The following LTBP1 variants were observed in gnomAD, a reference collection of about 807,000 sequenced individuals.
The protein encoded by LTBP1 is latent transforming growth factor beta binding protein 1.
Under a neutral mutation model 207.6 loss-of-function variants are expected in LTBP1, and 129 were observed. The observed-to-expected ratio is 0.62, with a 90% CI of 0.54 to 0.72. The LOEUF (loss-of-function observed/expected upper bound fraction) is 0.72. Ranked by LOEUF, LTBP1 falls within the 30% of genes least tolerant of loss-of-function variation. The probability of loss-of-function intolerance (pLI) is 0.00; values close to 1 mark genes in which losing one functional copy is unlikely to be tolerated. For missense variants in LTBP1, 2,281 were observed against 2,217.2 expected (o/e 1.03, Z -0.58); for synonymous variants, 963 against 833.7 (o/e 1.16, Z -2.67).
intron 24 of LTBP1, among the ~76,000 whole-genome samples, chr2:33,323,364 C>T (rs948775830): frequency 2.6e-5 from 4 of 152,116 alleles, no homozygotes; most frequent in Non-Finnish European, 5.9e-5. Context: ...CGACTAGGCG[C>T]GGTAGCTCAC....
chr2:33,361,242 G>A (rs995359171), intron 27 of LTBP1, among the ~76,000 whole-genome samples, 187 bp from the exon 28 acceptor site: 3 of 152,122 alleles, frequency 2.0e-5, no homozygotes, highest in Admixed American at 2.0e-4. Flanking sequence ...AAATTAAAAA[G>A]TGTAAGAAAA....
At chr2:33,394,638 G>A (rs1489788087) in intron 32 of LTBP1, among the ~76,000 whole-genome samples, 1 of 152,046 alleles carries the variant, frequency 6.6e-6, no homozygotes, top group Non-Finnish European at 1.5e-5. Context: ...TATTTCTGAG[G>A]GCTCTGTTCC....
chr2:33,318,954 G>A (rs2094313749), intron 24 of LTBP1, among the ~76,000 whole-genome samples: 1 of 151,852 alleles, frequency 6.6e-6, no homozygotes, highest in Admixed American at 6.6e-5. Flanking sequence ...TTTTTAATTA[G>A]CTGGACATGG....
At chr2:33,326,383 C>G (rs148308269) in intron 24 of LTBP1, among the ~76,000 whole-genome samples, 32 of 152,156 alleles carry the variant, frequency 2.1e-4, no homozygotes, top group African/African-American at 7.7e-4. Flanking sequence ...TTTGTGAGCT[C>G]CCTCAATGAG....
In LTBP1 at chr2:33,142,497, AC is replaced by A. The variant is rs542396514; in HGVS notation, c.1201+7540del. Among the ~76,000 whole-genome samples, 511 of 151,898 alleles carry A rather than the reference AC, an allele frequency of 3.4e-3. 2 individuals carry two copies. Among genetic ancestry groups the A allele is most frequent in the Non-Finnish European group, 5.5e-3 (375 of 67,938 alleles). On this transcript the variant is annotated intron_variant, in intron 5 of 33. Transcript: ENST00000404816. ...GTGGTGGTGGGCAGAGGGCAGGAGGACCCTGGGTAGACGAAGGGGTGCGTGG... is the reference window on the plus strand; with the variant it reads ...GTGGTGGTGGGCAGAGGGCAGGAGGACCTGGGTAGACGAAGGGGTGCGTGG...
At chr2:33,235,640 C>G (rs992173367) in intron 9 of LTBP1, among the ~76,000 whole-genome samples, 3 of 152,298 alleles carry the variant, frequency 2.0e-5, no homozygotes, top group African/African-American at 7.2e-5. Flanking sequence ...ATAGCAAAGA[C>G]TTGGAACCAA....
intron 2 of LTBP1, among the ~76,000 whole-genome samples, chr2:32,971,246 A>G (rs1353613107): frequency 6.6e-6 from 1 of 152,050 alleles, no homozygotes; most frequent in African/African-American, 2.4e-5. Flanking sequence ...AAATAGAGAG[A>G]GTTTGACTTC....
intron 19 of LTBP1, among the ~76,000 whole-genome samples, chr2:33,290,246 C>T (rs929128100): frequency 8.5e-5 from 13 of 152,208 alleles, no homozygotes; most frequent in South Asian, 8.3e-4. Flanking sequence ...CTTAAAAGCA[C>T]GACTTCCCTA....
chr2:33,011,721 T>A (rs1687695841), intron 2 of LTBP1, among the ~76,000 whole-genome samples: 1 of 151,990 alleles, frequency 6.6e-6, no homozygotes, highest in Non-Finnish European at 1.5e-5. Context: ...GTTTTGTTCC[T>A]GATTTACAGG....
At position 33,382,143 on chromosome 2, in the gene LTBP1, G is replaced by A. The variant is rs147754305; in HGVS notation, c.4712-7041G>A. 4.1e-3 allele frequency among the ~76,000 whole-genome samples: 514 copies of A among 125,496 alleles called. 5 individuals carry two copies. Among genetic ancestry groups the A allele is most frequent in the African/African-American group, 0.015 (490 of 33,432 alleles). The allele number at this position is 125,496 out of a possible 152,430, so 82.3% of individuals were successfully genotyped here. A position where few individuals can be genotyped will look rare whatever the true frequency, so the allele number is the denominator to read the frequency against. On this transcript the variant is annotated intron_variant, in intron 31 of 33. Coordinates refer to ENST00000404816, the MANE Select transcript of LTBP1 (RefSeq NM_206943.4). ...AGAGTCTCGCTCTGTTGCCCAGGCTGGAGTGCAGTGGTGCGATCTCGGTTC... is the reference window on the plus strand; with the variant it reads ...AGAGTCTCGCTCTGTTGCCCAGGCTAGAGTGCAGTGGTGCGATCTCGGTTC...
At chr2:33,291,809 A>G (rs2093780036) in intron 19 of LTBP1, 1 of 152,232 alleles carries the variant, frequency 6.6e-6, no homozygotes, top group Non-Finnish European at 1.5e-5. Flanking sequence ...TACAGTCTTA[A>G]TACAGTGCAA....
intron 18 of LTBP1, among the ~76,000 whole-genome samples, chr2:33,278,754 C>A (rs2093498147): frequency 6.6e-6 from 1 of 151,976 alleles, no homozygotes; most frequent in South Asian, 2.1e-4. Context: ...GAATGTAATG[C>A]TATTTGGAAA....
chr2:33,344,901 C>A (rs1190771461), intron 25 of LTBP1, among the ~76,000 whole-genome samples: 1 of 152,168 alleles, frequency 6.6e-6, no homozygotes, highest in African/African-American at 2.4e-5. Context: ...CCACATAGCT[C>A]CAGAGCCCCT....
At chr2:33,303,214 T>A (rs1486279852) in intron 22 of LTBP1, among the ~76,000 whole-genome samples, 2 of 152,116 alleles carry the variant, frequency 1.3e-5, no homozygotes, top group African/African-American at 4.8e-5. Context: ...TAAGGTATAT[T>A]CTAGGGCAGT....
At position 33,006,684 on chromosome 2, in the gene LTBP1, G is replaced by A. The variant is rs371166258; in HGVS notation, c.566-14225G>A. 1.1e-4 allele frequency among the ~76,000 whole-genome samples: 16 copies of A among 148,146 alleles called. No homozygotes were observed. In the East Asian group the frequency reaches 1.8e-3, roughly 17 times the overall value. On this transcript the variant is annotated intron_variant, in intron 2 of 33. Coordinates refer to ENST00000404816, the MANE Select transcript of LTBP1 (RefSeq NM_206943.4). ...AGGTGTGAACCACCATGCCTGACCC[G>A]AGAAAACCTACTGAACATTTTTAAA...
chr2:33,343,250 T>TA (rs2094653761), intron 25 of LTBP1, among the ~76,000 whole-genome samples: 5 of 150,710 alleles, frequency 3.3e-5, no homozygotes, highest in African/African-American at 4.9e-5. Context: ...AATAAAAATT[T>TA]TAAAAAAAAA....
At chr2:33,221,972 A>G in intron 8 of LTBP1, 108 bp from the exon 9 acceptor site, 2 of 695,990 alleles carry the variant, frequency 2.9e-6, no homozygotes, top group Admixed American at 2.2e-5. Context: ...TTATATTAAT[A>G]AATGAATAAG....
intron 31 of LTBP1, among the ~76,000 whole-genome samples, chr2:33,372,496 C>A (rs1488381411): frequency 6.6e-6 from 1 of 152,198 alleles, no homozygotes; most frequent in Non-Finnish European, 1.5e-5. Context: ...GTCAATAATT[C>A]TCAGTAAATA....
intron 3 of LTBP1, among the ~76,000 whole-genome samples, chr2:33,090,228 G>A (rs1231203074): frequency 2.0e-5 from 3 of 152,204 alleles, no homozygotes; most frequent in East Asian, 1.9e-4. Context: ...TGGACGGAGT[G>A]GGAAAGACTT....
Sources: gnomAD v4.1 joint callset for allele counts (sites outside exome capture counted in the v4.1 genomes callset) on GRCh38, gnomAD v4.1.1 for gene constraint, MANE v1.5 for transcripts, NCBI Gene and HGNC (gene_info 2026-07-23, HGNC 2026-07-21) for gene names.